The following UNC13B variants were observed in gnomAD, a reference collection of about 807,000 sequenced individuals.
The protein encoded by UNC13B is unc-13 homolog B.
A neutral mutation model predicts 211.0 loss-of-function variants in UNC13B; 144 were observed. The ratio of observed to expected loss-of-function variants is 0.68; its 90% confidence interval spans 0.60 to 0.78. UNC13B has a LOEUF of 0.78. Ranked by LOEUF, UNC13B falls within the 30% of genes least tolerant of loss-of-function variation. UNC13B has a pLI of 0.00. For synonymous variants in UNC13B, 709 were observed against 725.8 expected (o/e 0.98, Z 0.37); for missense variants, 1,777 against 2,002.0 (o/e 0.89, Z 2.14).
At chr9:35,399,575 G>A (rs1194289270) in intron 35 of UNC13B, 74 bp from the exon 36 acceptor site, 1 of 1,599,108 alleles carries the variant, frequency 6.3e-7, no homozygotes, top group Non-Finnish European at 8.6e-7. Flanking sequence ...AATATGCACT[G>A]GGGGCTGGCA....
chr9:35,164,349 C>T (rs925697245), intron 1 of UNC13B, among the ~76,000 whole-genome samples: 2 of 152,128 alleles, frequency 1.3e-5, no homozygotes, highest in Non-Finnish European at 2.9e-5. Context: ...ACATTCCTTG[C>T]GTTGTATTTT....
At position 35,247,780 on chromosome 9, in the gene UNC13B, G is replaced by A. The variant is rs1239748965; in HGVS notation, c.468+4416G>A. Among the ~76,000 whole-genome samples the A allele has an allele frequency of 1.6e-4, 24 of 152,186 alleles. 1 individual carries two copies. Among genetic ancestry groups the A allele is most frequent in the African/African-American group, 2.9e-4 (12 of 41,542 alleles). ...TCAGTATTTTATTAAGGATTTTTGC[G>A]TCAATGTTCATCAGGGATATTGGTC... On this transcript the variant is annotated intron_variant, in intron 6 of 39. Coordinates refer to ENST00000635942, the MANE Select transcript of UNC13B (RefSeq NM_001371189.2).
chr9:35,188,539 A>C (rs938547975), intron 1 of UNC13B, among the ~76,000 whole-genome samples: 1 of 152,206 alleles, frequency 6.6e-6, no homozygotes, highest in African/African-American at 2.4e-5. Context: ...GTGACAAAAC[A>C]TGCCAAATAA....
intron 1 of UNC13B, 103 bp downstream of exon 1, chr9:35,162,408 G>A: frequency 2.2e-6 from 3 of 1,381,964 alleles, no homozygotes; most frequent in Non-Finnish European, 2.9e-6. Flanking sequence ...TTTACATCCC[G>A]TCCGTGCTTT....
chr9:35,353,760 A>T (rs941965968), intron 11 of UNC13B: 2 of 1,231,996 alleles, frequency 1.6e-6, no homozygotes, highest in African/African-American at 3.1e-5. Flanking sequence ...AAACTTCTGC[A>T]TGAGCTAGTA....
intron 11 of UNC13B, among the ~76,000 whole-genome samples, chr9:35,328,597 CCCCTTCCTTCCT>C (rs1831152773): frequency 1.4e-5 from 2 of 139,128 alleles, no homozygotes; most frequent in African/African-American, 2.7e-5. Flanking sequence ...TCTGAATTGT[CCCCTTCCTTCCT>C]TCCTTCCTTC....
chr9:35,324,064 A>G (rs1830877628), intron 11 of UNC13B, among the ~76,000 whole-genome samples: 1 of 152,194 alleles, frequency 6.6e-6, no homozygotes, highest in Non-Finnish European at 1.5e-5. Context: ...GGCTTATGTT[A>G]TTAGGCCCAC....
In UNC13B at chr9:35,310,533, A is replaced by G; in HGVS notation, c.9075A>G (p.Glu3025=). The G allele has an allele frequency of 6.2e-7, 1 of 1,614,094 alleles. No homozygotes were observed. Among genetic ancestry groups the G allele is most frequent in the Admixed American group, 1.7e-5 (1 of 60,014 alleles). Residue 3025 remains glutamate, a synonymous_variant, in exon 10 of 40, where the codon GAA becomes GAG. Transcript: ENST00000635942. ...NVSQGSSQLS[E]LDQYHEQDDD... is the part of the protein sequence containing the mutation. Reference sequence around the variant, plus strand: ...GTCAAGGAAGCTCTCAGCTAAGTGAACTAGACCAGTATCACGAACAAGATG... The same window carrying G: ...GTCAAGGAAGCTCTCAGCTAAGTGAGCTAGACCAGTATCACGAACAAGATG...
chr9:35,399,787 T>C (rs1330561738), intron 36 of UNC13B, 58 bp downstream of exon 36: 2 of 1,557,954 alleles, frequency 1.3e-6, no homozygotes, highest in Non-Finnish European at 1.8e-6. Context: ...GGCCCTGGCA[T>C]TCCACTCTCC....
intron 1 of UNC13B, among the ~76,000 whole-genome samples, chr9:35,181,565 G>GGT (rs1362890763): frequency 6.6e-6 from 1 of 152,192 alleles, no homozygotes; most frequent in Non-Finnish European, 1.5e-5. Context: ...GGCCAGGTGC[G>GGT]GTGGCTCATG....
Position 35,404,094 on chromosome 9 carries a change from G to A in UNC13B, c.*61G>A, listed in dbSNP as rs1356425548. 1.9e-6 allele frequency: 3 copies of A among 1,569,802 alleles called. No homozygotes were observed. Among genetic ancestry groups the A allele is most frequent in the African/African-American group, 2.7e-5 (2 of 74,268 alleles). On this transcript the variant is annotated 3_prime_UTR_variant, in exon 40 of 40. Coordinates refer to ENST00000635942, the MANE Select transcript of UNC13B (RefSeq NM_001371189.2). ...ATTTCACAAATCAGGGCCAGTGGGA[G>A]TTAGCTGTGTAACCGGCTTAGGGTC...
In UNC13B at chr9:35,381,177, G is replaced by A; in HGVS notation, c.10453G>A (p.Val3485Ile). ...TGTGGAGATCAAGGGGGAGGAGAAA[G>A]TAGCCCCATACCACGTGCAGTATAC... Reference protein sequence around the residue: ...ISVEIKGEEKVAPYHVQYTCL... With the variant: ...ISVEIKGEEKIAPYHVQYTCL... The change falls in exon 19 of 40, where the codon GTA (valine) becomes ATA (isoleucine). Residue 3485 changes from valine (V) to isoleucine (I), a missense_variant. By Grantham distance (29) the Val-to-Ile change is conservative. Transcript: ENST00000635942. The A allele has an allele frequency of 6.2e-7, 1 of 1,613,742 alleles. No individual in the cohort carries two copies. The highest frequency in any genetic ancestry group is 8.5e-7 in the Non-Finnish European group (1 of 1,179,894).
rs1424300914 is a variant in UNC13B at position 35,307,938 on chromosome 9, G to A, written c.8534G>A (p.Trp2845Ter). Residue 2845 changes from tryptophan to a stop codon, truncating the protein, a stop_gained, in exon 9 of 40, where the codon TGG (tryptophan) becomes TAG (stop). Coordinates refer to ENST00000635942, the MANE Select transcript of UNC13B (RefSeq NM_001371189.2). LOFTEE classifies it high-confidence loss of function. ...GFGKVDLSFP[W>*]PKENKGVPEQ... ...GGAAAGGTAGATCTTTCATTTCCAT[G>A]GCCAAAAGAGAACAAAGGGGTCCCT... The A allele has an allele frequency of 2.5e-6, 1 of 398,820 alleles. No homozygotes were observed. Among genetic ancestry groups the A allele is most frequent in the Non-Finnish European group, 4.4e-6 (1 of 226,102 alleles). The allele number at this position is 398,820 out of a possible 1,614,324, so 24.7% of individuals were successfully genotyped here. A position where few individuals can be genotyped will look rare whatever the true frequency, so the allele number is the denominator to read the frequency against.
intron 11 of UNC13B, among the ~76,000 whole-genome samples, chr9:35,330,735 G>A (rs1182127399): frequency 6.6e-6 from 1 of 152,178 alleles, no homozygotes; most frequent in Non-Finnish European, 1.5e-5. Context: ...CATCAATGGT[G>A]GATCTTCTAT....
At chr9:35,239,003 T>A (rs561535601) in intron 5 of UNC13B, among the ~76,000 whole-genome samples, 1 of 152,150 alleles carries the variant, frequency 6.6e-6, no homozygotes, top group South Asian at 2.1e-4. Flanking sequence ...AAAGTAGAAT[T>A]GCTGGATCAA....
Position 35,398,928 on chromosome 9 carries a change from C to T in UNC13B, c.11968C>T (p.Leu3990=), listed in dbSNP as rs1389741146. ...GTGTGTTCGACAAATGGCCGACATC[C>T]TGGGCCAGGTTCGGGGCACAGGGAA... ...DECVRQMADI[L]GQVRGTGNAS... is the part of the protein sequence containing the mutation. Residue 3990 remains leucine (L), a synonymous_variant, in exon 33 of 40, where the codon CTG becomes TTG. Transcript: ENST00000635942. 1.9e-6 allele frequency: 3 copies of T among 1,614,058 alleles called. No homozygotes were observed. The highest frequency in any genetic ancestry group is 2.7e-5 in the African/African-American group (2 of 74,924).
chr9:35,384,365 C>T (rs1162233326), intron 22 of UNC13B, 51 bp downstream of exon 22: 2 of 1,585,772 alleles, frequency 1.3e-6, no homozygotes, highest in Non-Finnish European at 1.7e-6. Context: ...AGCACGGTCC[C>T]AGAGAGACTG....
intron 1 of UNC13B, among the ~76,000 whole-genome samples, chr9:35,182,247 A>G (rs1315701636): frequency 6.6e-6 from 1 of 152,098 alleles, no homozygotes; most frequent in African/African-American, 2.4e-5. Flanking sequence ...TGCTGCTTCT[A>G]GTGCATTTTT....
rs1417933803 is a variant in UNC13B, at chr9:35,236,532, C to T, written c.216C>T (p.Asp72=). ...VEVWNKGLIW[D]TMVGTVWIAL... ...TATGGAACAAAGGACTGATCTGGGA[C>T]ACCATGGTGGGGACTGTGTGGATTG... Residue 72 remains aspartate (D), a synonymous_variant, in exon 4 of 40, where the codon GAC becomes GAT. Transcript: ENST00000635942. The T allele has an allele frequency of 6.2e-7, 1 of 1,613,984 alleles. No individual in the cohort carries two copies. Among genetic ancestry groups the T allele is most frequent in the African/African-American group, 1.3e-5 (1 of 74,912 alleles).
Sources: allele counts gnomAD v4.1 joint callset (sites outside exome capture counted in the v4.1 genomes callset), GRCh38; gene constraint gnomAD v4.1.1; transcripts MANE v1.5; gene names NCBI Gene and HGNC (gene_info 2026-07-23, HGNC 2026-07-21).